VPS13D: variants seen among roughly 807,000 people sequenced by gnomAD.
VPS13D encodes the protein vacuolar protein sorting 13 homolog D, also known as intermembrane lipid transfer protein VPS13D.
A neutral mutation model predicts 461.9 loss-of-function variants in VPS13D; 187 were observed. The observed-to-expected ratio is 0.40, with a 90% CI of 0.36 to 0.46. The LOEUF is 0.46. VPS13D is among the 20% of genes least tolerant of loss of function. VPS13D has a pLI of 0.60. For missense variants in VPS13D, 4,711 were observed against 5,364.9 expected, an observed-to-expected ratio of 0.88 and a Z score of 3.81; for synonymous variants, 1,951 against 1,986.3, an observed-to-expected ratio of 0.98 and a Z score of 0.47.
intron 67 of VPS13D, among the ~76,000 whole-genome samples, chr1:12,489,077 C>T (rs1645841468): frequency 6.6e-6 from 1 of 152,224 alleles, no homozygotes. Flanking sequence ...TCCATTCTTA[C>T]TATAACATGA....
intron 67 of VPS13D, among the ~76,000 whole-genome samples, chr1:12,468,357 C>G (rs549127632): frequency 2.0e-5 from 3 of 152,344 alleles, no homozygotes; most frequent in Admixed American, 2.0e-4. Context: ...TCCCATGCCT[C>G]ATGTTTTTCC....
chr1:12,369,319 G>A, intron 53 of VPS13D, 148 bp from the exon 54 acceptor site: 2 of 721,592 alleles, frequency 2.8e-6, no homozygotes, highest in Non-Finnish European at 4.7e-6. Flanking sequence ...CATTCGAAAG[G>A]TGAGATGATG....
In VPS13D at chr1:12,293,192, C is replaced by T. The variant is rs907022455; in HGVS notation, c.5853-332C>T. Among the ~76,000 whole-genome samples the T allele has an allele frequency of 3.3e-5, 5 of 152,132 alleles. No individual in the cohort carries two copies. The South Asian group carries it at 1.0e-3, about 32-fold the overall frequency. The stretch of plus-strand genomic sequence containing the variant: ...TCATGGACTTATTTTTATTGTTTTT[C>T]ACACATCCTCACAATCTTTGCCAGG... On this transcript the variant is annotated intron_variant, in intron 23 of 69. Transcript: ENST00000620676.
At chr1:12,483,582 G>C (rs541011277) in intron 67 of VPS13D, among the ~76,000 whole-genome samples, 1 of 151,972 alleles carries the variant, frequency 6.6e-6, no homozygotes, top group African/African-American at 2.4e-5. Context: ...CTTTCTTCCA[G>C]ATATTAACAA....
chr1:12,305,584 C>G (rs1208352839), intron 26 of VPS13D, among the ~76,000 whole-genome samples: 2 of 152,202 alleles, frequency 1.3e-5, no homozygotes, highest in Admixed American at 1.3e-4. Flanking sequence ...GCCCCCGGGC[C>G]TGGCCTCTTT....
intron 16 of VPS13D, among the ~76,000 whole-genome samples, chr1:12,269,383 T>C (rs1355521738): frequency 6.6e-6 from 1 of 152,258 alleles, no homozygotes; most frequent in East Asian, 1.9e-4. Flanking sequence ...AGTTTCATGA[T>C]ATTGATTTAA....
intron 65 of VPS13D, among the ~76,000 whole-genome samples, chr1:12,435,322 G>A (rs1189939929): frequency 9.9e-5 from 15 of 151,950 alleles, no homozygotes; most frequent in Non-Finnish European, 7.4e-5. Context: ...TTAGCTGGGC[G>A]TGGTGGCACC....
At chr1:12,405,078 A>G in intron 63 of VPS13D, among the ~76,000 whole-genome samples, 1 of 152,234 alleles carries the variant, frequency 6.6e-6, no homozygotes, top group East Asian at 1.9e-4. Context: ...CCTAACGTAG[A>G]TGCCCGCAGG....
intron 13 of VPS13D, among the ~76,000 whole-genome samples, chr1:12,265,582 G>A (rs377079554): frequency 1.1e-4 from 17 of 152,174 alleles, no homozygotes; most frequent in African/African-American, 3.4e-4. Context: ...TTTGTAATTC[G>A]TGGAAGGAGG....
intron 64 of VPS13D, 138 bp from the exon 65 acceptor site, chr1:12,416,522 A>C: frequency 1.1e-6 from 1 of 894,900 alleles, no homozygotes; most frequent in Non-Finnish European, 1.6e-6. Context: ...GATGAAGATT[A>C]AAAGCTTTTA....
intron 35 of VPS13D, among the ~76,000 whole-genome samples, chr1:12,325,262 C>G (rs961041857): frequency 6.8e-6 from 1 of 147,266 alleles, no homozygotes; most frequent in African/African-American, 2.5e-5. Flanking sequence ...TTCTACTTCT[C>G]TTTTTTTTTT....
At position 12,507,116 on chromosome 1, in the gene VPS13D, G is replaced by C. The variant is rs1041367108; in HGVS notation, c.13035+23G>C. 13 of 1,613,402 alleles carry C rather than the reference G, an allele frequency of 8.1e-6. No homozygotes were observed. The highest frequency in any genetic ancestry group is 8.5e-6 in the Non-Finnish European group (10 of 1,179,568). ...ATGGTGAGTGCCTGGCTGTTCTCAG[G>C]CTCCTGAGGGGCGGGGCCAGGGCCT... On this transcript the variant is annotated intron_variant, in intron 69 of 69. Transcript: ENST00000620676. The surrounding 1 kb of genome is among the most constrained non-coding windows in gnomAD (Gnocchi z 5.3).
chr1:12,496,311 C>T (rs1438435034), intron 67 of VPS13D, among the ~76,000 whole-genome samples: 1 of 152,216 alleles, frequency 6.6e-6, no homozygotes, highest in Non-Finnish European at 1.5e-5. Context: ...ATGTCACAGC[C>T]TGATGAACTG....
chr1:12,425,195 G>A (rs1644909573), intron 65 of VPS13D, among the ~76,000 whole-genome samples: 1 of 151,950 alleles, frequency 6.6e-6, no homozygotes, highest in African/African-American at 2.4e-5. Flanking sequence ...TCTCCATCTT[G>A]AAGAAAAGCT....
chr1:12,303,575 C>G (rs1642482326), intron 25 of VPS13D, among the ~76,000 whole-genome samples: 1 of 152,184 alleles, frequency 6.6e-6, no homozygotes, highest in African/African-American at 2.4e-5. Flanking sequence ...TTGCAGAAAG[C>G]AAGAACTAGT....
At chr1:12,433,758 G>C (rs1012293610) in intron 65 of VPS13D, among the ~76,000 whole-genome samples, 1 of 152,212 alleles carries the variant, frequency 6.6e-6, no homozygotes, top group Admixed American at 6.5e-5. Flanking sequence ...GTGGAGATAA[G>C]AGCGGCAGGG....
At chr1:12,240,936 T>C (rs959846671) in intron 2 of VPS13D, among the ~76,000 whole-genome samples, 2 of 152,128 alleles carry the variant, frequency 1.3e-5, no homozygotes, top group African/African-American at 2.4e-5. Context: ...TTTTCTTCTT[T>C]TTTTTTCCCT....
chr1:12,322,030 T>A, intron 33 of VPS13D, 66 bp downstream of exon 33: 2 of 1,567,344 alleles, frequency 1.3e-6, no homozygotes. Flanking sequence ...CAGGCACTCT[T>A]ATTTGCTCTG....
chr1:12,266,538 T>G (rs1641274030), intron 13 of VPS13D, among the ~76,000 whole-genome samples: 2 of 152,216 alleles, frequency 1.3e-5, no homozygotes, highest in African/African-American at 4.8e-5. Flanking sequence ...ATAAAATATT[T>G]TAAAATTAAG....
Sources: allele counts gnomAD v4.1 joint callset (sites outside exome capture counted in the v4.1 genomes callset), GRCh38; gene constraint gnomAD v4.1.1; non-coding constraint Gnocchi (gnomAD v3.1); transcripts MANE v1.5; gene names NCBI Gene and HGNC (gene_info 2026-07-23, HGNC 2026-07-21).